Variants in PPP3CA observed in about 807,000 individuals in gnomAD.
PPP3CA encodes the protein CAM-PRP catalytic subunit.
PPP3CA carries 14 observed loss-of-function variants against 66.5 expected under a neutral mutation model. That is an observed-to-expected ratio of 0.21 (90% CI 0.14 to 0.33). The LOEUF (loss-of-function observed/expected upper bound fraction) is 0.33. Ranked by LOEUF, PPP3CA falls within the 10% of genes least tolerant of loss-of-function variation. PPP3CA has a pLI of 1.00. For synonymous variants in PPP3CA, 232 were observed against 226.2 expected (o/e 1.03, Z -0.23); for missense variants, 317 against 639.5 (o/e 0.50, Z 5.44).
At chr4:101,074,961 C>T (rs79121128) in intron 8 of PPP3CA, among the ~76,000 whole-genome samples, 2,047 of 152,254 alleles carry the variant, frequency 0.013, 58 homozygotes, top group African/African-American at 0.046. Flanking sequence ...AGGGAGGCCT[C>T]ACAATCATGG....
At chr4:101,195,246 G>C (rs1378092583) in intron 2 of PPP3CA, among the ~76,000 whole-genome samples, 1 of 140,348 alleles carries the variant, frequency 7.1e-6, no homozygotes, top group African/African-American at 2.8e-5. Context: ...CCAGCCTGGT[G>C]ACAAGAGTGA....
At chr4:101,205,035 T>G (rs961749222) in intron 1 of PPP3CA, among the ~76,000 whole-genome samples, 2 of 151,134 alleles carry the variant, frequency 1.3e-5, no homozygotes, top group Non-Finnish European at 2.9e-5. Context: ...ATCCCCAGAA[T>G]AGCAAACTAA....
intron 1 of PPP3CA, among the ~76,000 whole-genome samples, chr4:101,281,445 AAG>A (rs1303093823): frequency 2.0e-5 from 3 of 152,230 alleles, no homozygotes; most frequent in Non-Finnish European, 1.5e-5. Flanking sequence ...TTAAATACGT[AAG>A]AGGGGGTGAG....
At chr4:101,139,746 T>C (rs1332502171) in intron 2 of PPP3CA, among the ~76,000 whole-genome samples, 2 of 150,412 alleles carry the variant, frequency 1.3e-5, no homozygotes, top group African/African-American at 4.9e-5. Flanking sequence ...TGGGTTTGCT[T>C]GTGTGCTTTT....
intron 2 of PPP3CA, among the ~76,000 whole-genome samples, chr4:101,153,929 A>C (rs1723224778): frequency 1.3e-5 from 2 of 152,190 alleles, no homozygotes; most frequent in Admixed American, 1.3e-4. Flanking sequence ...AGAAAAAAAA[A>C]AGCACAATAC....
At chr4:101,335,748 T>C (rs749758211) in intron 1 of PPP3CA, among the ~76,000 whole-genome samples, 14 of 151,950 alleles carry the variant, frequency 9.2e-5, no homozygotes, top group Non-Finnish European at 1.6e-4. Context: ...CAAGTTGGCA[T>C]GAGGACACAG....
At chr4:101,193,708 G>C (rs1291781441) in intron 2 of PPP3CA, among the ~76,000 whole-genome samples, 1 of 152,092 alleles carries the variant, frequency 6.6e-6, no homozygotes, top group Non-Finnish European at 1.5e-5. Context: ...TGAATTTTTA[G>C]GGGAAAAAAA....
chr4:101,105,481 A>G (rs537304964), intron 3 of PPP3CA, among the ~76,000 whole-genome samples: 2 of 152,218 alleles, frequency 1.3e-5, no homozygotes, highest in East Asian at 3.9e-4. Context: ...TACTTAAAAA[A>G]AAAAAAGAAT....
At chr4:101,253,906 G>C (rs1726756316) in intron 1 of PPP3CA, among the ~76,000 whole-genome samples, 1 of 151,962 alleles carries the variant, frequency 6.6e-6, no homozygotes, top group Non-Finnish European at 1.5e-5. Flanking sequence ...ATGGCAAAAA[G>C]TATAACCAAT....
At chr4:101,164,119 T>C (rs1723609926) in intron 2 of PPP3CA, among the ~76,000 whole-genome samples, 1 of 16,524 alleles carries the variant, frequency 6.1e-5, no homozygotes, top group Admixed American at 5.8e-4. Context: ...TCTGGGTGTC[T>C]CCTTAGCTAC....
intron 1 of PPP3CA, among the ~76,000 whole-genome samples, chr4:101,227,862 C>G (rs546672945): frequency 4.2e-4 from 64 of 151,856 alleles, no homozygotes; most frequent in African/African-American, 1.5e-3. Context: ...TGTTCTCCAG[C>G]TCCATCCATG....
At chr4:101,300,749 C>T (rs533247577) in intron 1 of PPP3CA, among the ~76,000 whole-genome samples, 46 of 152,268 alleles carry the variant, frequency 3.0e-4, no homozygotes, top group South Asian at 1.4e-3. Context: ...GAGCCAAGAT[C>T]GCACCACTAC....
chr4:101,137,043 T>C (rs1722646483), intron 2 of PPP3CA, among the ~76,000 whole-genome samples: 1 of 152,164 alleles, frequency 6.6e-6, no homozygotes, highest in Non-Finnish European at 1.5e-5. Flanking sequence ...AATTTCATAG[T>C]AGCTAAAATA....
chr4:101,244,544 G>A (rs771649941), intron 1 of PPP3CA, among the ~76,000 whole-genome samples: 1 of 152,130 alleles, frequency 6.6e-6, no homozygotes, highest in Non-Finnish European at 1.5e-5. Flanking sequence ...TAGTGCTAAT[G>A]AGGACTGACT....
At chr4:101,103,008 T>C (rs537082425) in intron 3 of PPP3CA, among the ~76,000 whole-genome samples, 3 of 152,168 alleles carry the variant, frequency 2.0e-5, no homozygotes, top group Non-Finnish European at 4.4e-5. Context: ...GCATCCTCTA[T>C]TTTTAAAATT....
intron 2 of PPP3CA, among the ~76,000 whole-genome samples, chr4:101,145,330 C>T (rs1282022006): frequency 6.6e-6 from 1 of 152,100 alleles, no homozygotes; most frequent in African/African-American, 2.4e-5. Context: ...CAAGAGATAT[C>T]TGTACTCTCA....
At chr4:101,314,226 C>A (rs1347577890) in intron 1 of PPP3CA, among the ~76,000 whole-genome samples, 2 of 151,832 alleles carry the variant, frequency 1.3e-5, no homozygotes, top group Non-Finnish European at 2.9e-5. Flanking sequence ...GATATTTCAA[C>A]ATATGTTAAT....
At chr4:101,050,158 T>C (rs1200911526) in intron 10 of PPP3CA, among the ~76,000 whole-genome samples, 2 of 152,066 alleles carry the variant, frequency 1.3e-5, no homozygotes, top group African/African-American at 2.4e-5. Context: ...TATATTATTA[T>C]CTTATCAGGA....
chr4:101,195,135 G>A (rs1441408927), intron 2 of PPP3CA, among the ~76,000 whole-genome samples: 1 of 151,912 alleles, frequency 6.6e-6, no homozygotes, highest in African/African-American at 2.4e-5. Flanking sequence ...AGCCAGGCAT[G>A]ATGGCACCTA....
Sources: allele counts gnomAD v4.1 joint callset (sites outside exome capture counted in the v4.1 genomes callset), GRCh38; gene constraint gnomAD v4.1.1; transcripts MANE v1.5; gene names NCBI Gene and HGNC (gene_info 2026-07-23, HGNC 2026-07-21).